The following SCN2A variants were observed in gnomAD, a reference collection of about 807,000 sequenced individuals.
SCN2A encodes sodium channel protein type 2 subunit alpha.
SCN2A carries 20 observed loss-of-function variants against 188.7 expected under a neutral mutation model. That is an observed-to-expected ratio of 0.11 (90% CI 0.07 to 0.15). The LOEUF (loss-of-function observed/expected upper bound fraction) is 0.15. SCN2A is among the 10% of genes least tolerant of loss of function. The pLI, the probability that SCN2A is intolerant of heterozygous loss-of-function variation, is 1.00. For synonymous variants in SCN2A, 804 were observed against 833.1 expected (o/e 0.97, Z 0.60); for missense variants, 1,278 against 2,445.0 (o/e 0.52, Z 10.07).
chr2:165,382,591 G>A (rs1426046425), intron 25 of SCN2A, among the ~76,000 whole-genome samples: 1 of 152,012 alleles, frequency 6.6e-6, no homozygotes, highest in Non-Finnish European at 1.5e-5. Flanking sequence ...TCGACCTGCT[G>A]TAAGAATAGC....
intron 16 of SCN2A, among the ~76,000 whole-genome samples, chr2:165,349,272 C>T (rs765171173): frequency 4.6e-5 from 7 of 152,066 alleles, no homozygotes; most frequent in Non-Finnish European, 1.0e-4. Flanking sequence ...AAGTTTGGGA[C>T]CAGATTGGGT....
intron 17 of SCN2A, among the ~76,000 whole-genome samples, chr2:165,363,734 A>G (rs888451837): frequency 1.1e-4 from 17 of 152,154 alleles, no homozygotes; most frequent in Admixed American, 6.5e-4. Flanking sequence ...TACCTGATAA[A>G]TTAAAATAAG....
Position 165,363,317 on chromosome 2 carries a change from G to T in SCN2A, c.3400-1826G>T, listed in dbSNP as rs1559389798. Among the ~76,000 whole-genome samples the T allele has an allele frequency of 1.1e-4, 17 of 152,166 alleles. No homozygotes were observed. The South Asian group carries it at 3.5e-3, about 32-fold the overall frequency. ...TATGGATCCTCATTTTTCCCTTGGG[G>T]TCACCCGAAGTCTTACCCCGTTCTG... is the stretch of plus-strand genomic sequence containing the variant. On this transcript the variant is annotated intron_variant, in intron 17 of 26. Coordinates refer to ENST00000375437, the MANE Select transcript of SCN2A (RefSeq NM_001040142.2).
At chr2:165,320,706 C>T (rs953038689) in intron 11 of SCN2A, among the ~76,000 whole-genome samples, 4 of 152,236 alleles carry the variant, frequency 2.6e-5, no homozygotes, top group Non-Finnish European at 4.4e-5. Flanking sequence ...CCTAGCTCTA[C>T]ATTTGCCCCT....
chr2:165,346,317 A>T (rs1023355542), intron 16 of SCN2A, among the ~76,000 whole-genome samples: 8 of 152,002 alleles, frequency 5.3e-5, no homozygotes, highest in African/African-American at 1.9e-4. Flanking sequence ...ACTTGGTTCC[A>T]TTCTCCCAGT....
chr2:165,308,126 A>T lies in SCN2A; in HGVS notation c.476+189A>T, dbSNP rs544877372. 1.5e-3 allele frequency among the ~76,000 whole-genome samples: 226 copies of T among 152,236 alleles called. 1 individual carries two copies. Among genetic ancestry groups the T allele is most frequent in the African/African-American group, 5.2e-3 (217 of 41,562 alleles). Reference sequence around the variant, plus strand: ...TGTAGTGGGCTCACTTAGTTGTGTAAATTACTGCAGTAGTTTGACTGCTAT... The same window carrying T: ...TGTAGTGGGCTCACTTAGTTGTGTATATTACTGCAGTAGTTTGACTGCTAT... On this transcript the variant is annotated intron_variant, in intron 4 of 26. Transcript: ENST00000375437.
intron 1 of SCN2A, among the ~76,000 whole-genome samples, chr2:165,287,971 T>C (rs1464103386): frequency 2.6e-5 from 4 of 152,228 alleles, no homozygotes; most frequent in Admixed American, 1.3e-4. Flanking sequence ...CATTTTCTTT[T>C]ACAGAAAATA....
At chr2:165,288,325 G>GT (rs751921039) in intron 1 of SCN2A, among the ~76,000 whole-genome samples, 3 of 151,688 alleles carry the variant, frequency 2.0e-5, no homozygotes, top group African/African-American at 4.8e-5. Context: ...CTCTTTTGTG[G>GT]TTTTTTAGAC....
rs1275603774 is a variant in SCN2A, at chr2:165,374,750, C to A, written c.4038C>A (p.Ile1346=). The part of the protein sequence containing the change: ...SIMNVLLVCL[I]FWLIFSIMGV... ...TGAATGTACTTCTGGTTTGTCTGATCTTTTGGCTAATATTCAGTATCATGG... is the reference window on the plus strand; with the variant it reads ...TGAATGTACTTCTGGTTTGTCTGATATTTTGGCTAATATTCAGTATCATGG... Residue 1346 remains isoleucine, a synonymous_variant, in exon 22 of 27, where the codon ATC becomes ATA. Coordinates refer to ENST00000375437, the MANE Select transcript of SCN2A (RefSeq NM_001040142.2). The A allele has an allele frequency of 1.2e-6, 2 of 1,613,312 alleles. No individual in the cohort carries two copies.
intron 7 of SCN2A, 101 bp from the exon 8 acceptor site, chr2:165,311,924 A>C: frequency 1.3e-6 from 1 of 744,766 alleles, no homozygotes; most frequent in South Asian, 1.5e-5. Flanking sequence ...TATCCATCTC[A>C]TTATGATTGA....
At chr2:165,352,614 A>G (rs756543194) in intron 16 of SCN2A, among the ~76,000 whole-genome samples, 2 of 152,180 alleles carry the variant, frequency 1.3e-5, no homozygotes, top group Non-Finnish European at 2.9e-5. Context: ...CACCAACCTG[A>G]TACTACAAGA....
At chr2:165,275,196 A>G (rs2106111500) in intron 1 of SCN2A, among the ~76,000 whole-genome samples, 1 of 152,328 alleles carries the variant, frequency 6.6e-6, no homozygotes, top group East Asian at 1.9e-4. Context: ...CTTCTGATGC[A>G]TTAATTCCCC....
chr2:165,349,125 T>C (rs1428224695), intron 16 of SCN2A, among the ~76,000 whole-genome samples: 1 of 152,210 alleles, frequency 6.6e-6, no homozygotes, highest in Non-Finnish European at 1.5e-5. Context: ...AAAGATAATA[T>C]AATTATGTTA....
In SCN2A at chr2:165,363,515, G is replaced by T. The variant is rs562779148; in HGVS notation, c.3400-1628G>T. 1.6e-4 allele frequency among the ~76,000 whole-genome samples: 24 copies of T among 151,392 alleles called. No individual in the cohort carries two copies. In the East Asian group the frequency reaches 1.7e-3, roughly 11 times the overall value. On this transcript the variant is annotated intron_variant, in intron 17 of 26. Coordinates refer to ENST00000375437, the MANE Select transcript of SCN2A (RefSeq NM_001040142.2). Reference sequence around the variant, plus strand: ...TATCAGGTCCCTAATAGCATAACAGGTTCGTGTGAATTAGATATATTAAAA... The same window carrying T: ...TATCAGGTCCCTAATAGCATAACAGTTTCGTGTGAATTAGATATATTAAAA...
intron 1 of SCN2A, among the ~76,000 whole-genome samples, chr2:165,291,418 C>CTTT (rs1696129477): frequency 7.8e-6 from 1 of 127,560 alleles, no homozygotes; most frequent in Non-Finnish European, 1.7e-5. Context: ...CTTCCTTCCT[C>CTTT]CCTGTCTGTC....
intron 1 of SCN2A, among the ~76,000 whole-genome samples, chr2:165,251,792 T>C (rs1437923872): frequency 1.3e-5 from 2 of 152,116 alleles, no homozygotes; most frequent in African/African-American, 2.4e-5. Flanking sequence ...GGGTGTGTCA[T>C]CTGTTTTCTG....
At chr2:165,285,780 G>A (rs1163777109) in intron 1 of SCN2A, 1 of 165,404 alleles carries the variant, frequency 6.0e-6, no homozygotes, top group African/African-American at 2.4e-5. Context: ...AGGCCCCAGG[G>A]TGGTATTAAA....
At chr2:165,355,755 A>T (rs928175062) in intron 17 of SCN2A, among the ~76,000 whole-genome samples, 18 of 152,080 alleles carry the variant, frequency 1.2e-4, no homozygotes, top group Admixed American at 9.8e-4. Flanking sequence ...ATAGTTATAA[A>T]AAAAGAACAA....
chr2:165,331,007 G>A (rs561892912), intron 13 of SCN2A, among the ~76,000 whole-genome samples: 1 of 152,270 alleles, frequency 6.6e-6, no homozygotes, highest in South Asian at 2.1e-4. Context: ...CTGGAACATG[G>A]ATGAGCTTTA....
Sources: gnomAD v4.1 joint callset for allele counts (sites outside exome capture counted in the v4.1 genomes callset) on GRCh38, gnomAD v4.1.1 for gene constraint, MANE v1.5 for transcripts, NCBI Gene and HGNC (gene_info 2026-07-23, HGNC 2026-07-21) for gene names.